ASB1: variants seen among roughly 807,000 people sequenced by gnomAD.
The protein encoded by ASB1 is ankyrin repeat and SOCS box containing 1, also known as ankyrin repeat and SOCS box protein 1.
ASB1 carries 18 observed loss-of-function variants against 27.7 expected under a neutral mutation model. The ratio of observed to expected loss-of-function variants is 0.65; its 90% CI spans 0.45 to 0.96. The LOEUF (loss-of-function observed/expected upper bound fraction) is 0.96, where lower values mean the gene tolerates loss of function less well. Among genes scored for constraint, ASB1 ranks in the 50% least tolerant of loss-of-function variants. The pLI, the probability that ASB1 is intolerant of heterozygous loss-of-function variation, is 0.00. For synonymous variants in ASB1, 189 were observed against 187.6 expected (o/e 1.01, Z -0.06); for missense variants, 397 against 451.7 (o/e 0.88, Z 1.10).
At chr2:238,427,186 C>T in intron 1 of ASB1, 67 bp downstream of exon 1, 2 of 1,139,196 alleles carry the variant, frequency 1.8e-6, no homozygotes, top group Non-Finnish European at 1.1e-6. Flanking sequence ...TCCGGCGTCC[C>T]TGCCGAGGTC....
chr2:238,444,797 CAAA>C, intron 4 of ASB1, 70 bp downstream of exon 4: 2 of 1,484,706 alleles, frequency 1.3e-6, no homozygotes, highest in Non-Finnish European at 1.8e-6. Flanking sequence ...TAGCAATAAA[CAAA>C]AAACAAAAAC....
chr2:238,446,070 C>G (rs1248190367), intron 4 of ASB1, among the ~76,000 whole-genome samples: 1 of 152,230 alleles, frequency 6.6e-6, no homozygotes, highest in Non-Finnish European at 1.5e-5. Context: ...CTTCAGTGGT[C>G]CACTCTGATT....
intron 1 of ASB1, among the ~76,000 whole-genome samples, chr2:238,429,933 G>T (rs1172287438): frequency 1.1e-5 from 1 of 86,968 alleles, no homozygotes; most frequent in Admixed American, 1.2e-4. Context: ...GTGAGACTCC[G>T]TCTCAAAAAA....
Position 238,444,554 on chromosome 2 carries a change from C to T in ASB1, c.707C>T (p.Pro236Leu), listed in dbSNP as rs756588475. ...VNTQGFYRGS[P>L]GCVMDAVLRH... ...ACACAGGGATTCTACAGGGGCTCCC[C>T]TGGGTGCGTCATGGATGCTGTTCTG... Residue 236 changes from proline (P) to leucine (L), a missense_variant, in exon 4 of 5, where the codon CCT becomes CTT. By Grantham distance (98) the Pro-to-Leu change is moderately conservative. Coordinates refer to ENST00000264607, the MANE Select transcript of ASB1 (RefSeq NM_001040445.3). 6.2e-7 allele frequency: 1 copy of T among 1,614,218 alleles called. No individual in the cohort carries two copies. The highest frequency in any genetic ancestry group is 1.7e-5 in the Admixed American group (1 of 60,030).
At position 238,427,108 on chromosome 2, in the gene ASB1, C is replaced by G; in HGVS notation, c.38C>G (p.Pro13Arg). The G allele has an allele frequency of 8.0e-7, 1 of 1,256,658 alleles. No individual in the cohort carries two copies. The highest frequency in any genetic ancestry group is 3.0e-5 in the South Asian group (1 of 33,218). The allele number at this position is 1,256,658 out of a possible 1,614,324, so 77.8% of individuals were successfully genotyped here. A position where few individuals can be genotyped will look rare whatever the true frequency, so the allele number is the denominator to read the frequency against. Residue 13 changes from proline (P) to arginine (R), a missense_variant, in exon 1 of 5, where the codon CCG (proline) becomes CGG (arginine). Coordinates refer to ENST00000264607, the MANE Select transcript of ASB1 (RefSeq NM_001040445.3). ...GGCAGCCCAGACGGGCGGGCAGGGC[C>G]GGGCTCCGCAGGTAACGTGCGCGCG... Reference protein sequence around the residue: ...EGGSPDGRAGPGSAGRNLKEW... With the variant: ...EGGSPDGRAGRGSAGRNLKEW...
At chr2:238,446,244 CT>C (rs2106411205) in intron 4 of ASB1, 139 bp from the exon 5 acceptor site, 1 of 962,506 alleles carries the variant, frequency 1.0e-6, no homozygotes, top group East Asian at 2.6e-5. Flanking sequence ...AAAGCCATCA[CT>C]TTGTGTTTCA....
intron 2 of ASB1, among the ~76,000 whole-genome samples, chr2:238,433,993 C>T (rs914529402): frequency 3.7e-4 from 57 of 152,222 alleles, no homozygotes; most frequent in African/African-American, 1.3e-3. Flanking sequence ...GAAGGTACCA[C>T]TGTTTCCCTC....
At chr2:238,433,270 G>C (rs909395027) in intron 1 of ASB1, 10 of 304,448 alleles carry the variant, frequency 3.3e-5, no homozygotes, top group Non-Finnish European at 6.3e-5. Context: ...AATAAGGGAA[G>C]GTTTCTACTA....
chr2:238,431,039 C>T (rs1327975437), intron 1 of ASB1, among the ~76,000 whole-genome samples: 1 of 152,242 alleles, frequency 6.6e-6, no homozygotes, highest in Non-Finnish European at 1.5e-5. Flanking sequence ...CGAGAGTCAG[C>T]TTGTCCTTTA....
At chr2:238,436,905 A>C (rs945249795) in intron 3 of ASB1, among the ~76,000 whole-genome samples, 2 of 151,850 alleles carry the variant, frequency 1.3e-5, no homozygotes, top group African/African-American at 4.8e-5. Flanking sequence ...GAAAATTTTG[A>C]TGCTAATTGA....
At chr2:238,433,782 A>G in intron 2 of ASB1, 87 bp downstream of exon 2, 20 of 1,474,528 alleles carry the variant, frequency 1.4e-5, no homozygotes, top group Non-Finnish European at 1.8e-5. Flanking sequence ...GTGCAGATGA[A>G]GACCTTGATG....
At chr2:238,434,648 G>C (rs999440245) in intron 2 of ASB1, among the ~76,000 whole-genome samples, 7 of 152,222 alleles carry the variant, frequency 4.6e-5, no homozygotes, top group African/African-American at 1.7e-4. Context: ...ATACCAGAAA[G>C]GACTGTCATA....
At chr2:238,444,251 T>C (rs1327782224) in intron 3 of ASB1, 91 bp from the exon 4 acceptor site, 5 of 1,453,266 alleles carry the variant, frequency 3.4e-6, no homozygotes, top group Non-Finnish European at 4.7e-6. Context: ...GGCCTTCTGC[T>C]CAGGGTGGCT....
intron 3 of ASB1, among the ~76,000 whole-genome samples, chr2:238,440,928 C>T (rs1702066631): frequency 1.3e-5 from 2 of 152,126 alleles, no homozygotes; most frequent in Admixed American, 1.3e-4. Flanking sequence ...TGTACATGCC[C>T]ACGTGGAGAG....
At chr2:238,430,792 A>C (rs1701856389) in intron 1 of ASB1, among the ~76,000 whole-genome samples, 1 of 152,250 alleles carries the variant, frequency 6.6e-6, no homozygotes, top group Non-Finnish European at 1.5e-5. Flanking sequence ...AATCTTGTAC[A>C]TCTCCATGAG....
rs560222499 is a variant in ASB1, at chr2:238,447,932, T to C, written c.*1421T>C. 6.6e-6 allele frequency: 1 copy of C among 152,350 alleles called. No individual in the cohort carries two copies. The highest frequency in any genetic ancestry group is 1.9e-4 in the East Asian group (1 of 5,170). 9.4% of individuals were successfully genotyped at this position (152,350 alleles called of 1,614,324 possible). A position where few individuals can be genotyped will look rare whatever the true frequency, so the allele number is the denominator to read the frequency against. ...CCAACCCCTTGTGTCACAAATGGGC[T>C]CTGTGTGGGTCACCCCAGCTGACCC... On this transcript the variant is annotated 3_prime_UTR_variant, in exon 5 of 5. Transcript: ENST00000264607.
At chr2:238,427,634 A>G (rs550845900) in intron 1 of ASB1, 1 of 153,294 alleles carries the variant, frequency 6.5e-6, no homozygotes, top group African/African-American at 2.4e-5. Context: ...CAGTGACACA[A>G]CATGTCCAGG....
intron 3 of ASB1, among the ~76,000 whole-genome samples, chr2:238,438,557 G>A (rs1368960444): frequency 6.6e-6 from 1 of 152,102 alleles, no homozygotes; most frequent in Non-Finnish European, 1.5e-5. Flanking sequence ...ACTGGAGCAC[G>A]GGACATTACT....
rs1194075512 is a variant in ASB1, at chr2:238,442,820, G to T, written c.495-1522G>T. ...AACATCTACACCCTCCCTTGTTTGA[G>T]ATACTGCCTTTATCATATATGAAAT... On this transcript the variant is annotated intron_variant, in intron 3 of 4. Coordinates refer to ENST00000264607, the MANE Select transcript of ASB1 (RefSeq NM_001040445.3). Among the ~76,000 whole-genome samples the T allele has an allele frequency of 2.6e-5, 4 of 152,278 alleles. No individual in the cohort carries two copies. In the South Asian group the frequency reaches 8.3e-4, roughly 32 times the overall value.
Sources: allele counts gnomAD v4.1 joint callset (sites outside exome capture counted in the v4.1 genomes callset), GRCh38; gene constraint gnomAD v4.1.1; transcripts MANE v1.5; gene names NCBI Gene and HGNC (gene_info 2026-07-23, HGNC 2026-07-21).